Variants in STAMBP observed in about 807,000 individuals in gnomAD.
STAMBP encodes STAM binding protein.
In STAMBP, 31 loss-of-function variants were observed where a neutral mutation model predicts 50.7. That is an observed-to-expected ratio of 0.61 (90% CI 0.46 to 0.83). The LOEUF (loss-of-function observed/expected upper bound fraction) is 0.83, where lower values mean the gene tolerates loss of function less well. Among genes scored for constraint, STAMBP ranks in the 40% least tolerant of loss-of-function variants. The pLI is 0.00. For synonymous variants in STAMBP, 211 were observed against 192.4 expected (o/e 1.10, Z -0.80); for missense variants, 472 against 518.9 (o/e 0.91, Z 0.88).
rs142400712 is a variant in STAMBP, at chr2:73,852,059, T to C, written c.1005+1546T>C. On this transcript the variant is annotated intron_variant, in intron 7 of 9. Transcript: ENST00000394070. Reference sequence around the variant, plus strand: ...TAAAGGTTTTTGAGTAGAGCAATGATATGATTAAAGCCATACTTTAGAAAA... The same window carrying C: ...TAAAGGTTTTTGAGTAGAGCAATGACATGATTAAAGCCATACTTTAGAAAA... 1.8e-3 allele frequency among the ~76,000 whole-genome samples: 281 copies of C among 152,286 alleles called. 1 individual carries two copies. Among genetic ancestry groups the C allele is most frequent in the African/African-American group, 4.4e-3 (181 of 41,562 alleles).
At chr2:73,829,967 A>G (rs1170410426) in intron 1 of STAMBP, among the ~76,000 whole-genome samples, 2 of 152,330 alleles carry the variant, frequency 1.3e-5, no homozygotes, top group East Asian at 3.9e-4. Flanking sequence ...GAGCATACTG[A>G]TTAGGGTTTG....
At position 73,834,225 on chromosome 2, in the gene STAMBP, AAAAAAAAAAAAATATATATATATATAT is replaced by A. The variant is rs1407291857; in HGVS notation, c.203+3168_203+3194del. Among the ~76,000 whole-genome samples, 18 of 24,660 alleles carry A rather than the reference AAAAAAAAAAAAATATATATATATATAT, an allele frequency of 7.3e-4. 1 individual carries two copies. Among genetic ancestry groups the A allele is most frequent in the African/African-American group, 2.1e-3 (17 of 8,048 alleles). 16.2% of individuals were successfully genotyped at this position (24,660 alleles called of 152,430 possible). On this transcript the variant is annotated intron_variant, in intron 2 of 9. Coordinates refer to ENST00000394070, the MANE Select transcript of STAMBP (RefSeq NM_213622.4). ...ATCATGTCTTAAAAAAAAAAAAAAAAAAAAAAAAAAAATATATATATATATATATATATATATATATATATATATATA... is the reference window on the plus strand; with the variant it reads ...ATCATGTCTTAAAAAAAAAAAAAAAAATATATATATATATATATATATATA...
chr2:73,850,564 G>T lies in STAMBP; in HGVS notation c.1005+51G>T. 6.4e-7 allele frequency: 1 copy of T among 1,562,052 alleles called. No individual in the cohort carries two copies. Among genetic ancestry groups the T allele is most frequent in the Non-Finnish European group, 8.7e-7 (1 of 1,154,826 alleles). ...GTTAGTCTCTGCCTCTCCCATGGTG[G>T]TATAAATACATGAGTGTTTCTTTGA... On this transcript the variant is annotated intron_variant, in intron 7 of 9. Transcript: ENST00000394070. The surrounding 1 kb of genome is among the most constrained non-coding windows in gnomAD (Gnocchi z 4.3).
intron 2 of STAMBP, among the ~76,000 whole-genome samples, chr2:73,837,764 C>T (rs570915177): frequency 6.6e-6 from 1 of 151,962 alleles, no homozygotes; most frequent in South Asian, 2.1e-4. Flanking sequence ...TCACCAGATG[C>T]CAGAAGGATC....
intron 5 of STAMBP, 76 bp from the exon 6 acceptor site, chr2:73,849,287 A>G: frequency 2.5e-6 from 4 of 1,607,476 alleles, no homozygotes; most frequent in South Asian, 1.1e-5. Context: ...TTGCTCCTCC[A>G]GGGCTGCTGG....
At chr2:73,838,169 A>T (rs1170109097) in intron 2 of STAMBP, among the ~76,000 whole-genome samples, 3 of 152,100 alleles carry the variant, frequency 2.0e-5, no homozygotes, top group African/African-American at 4.8e-5. Context: ...AAAGTGGCAA[A>T]TTTTTTTCTA....
intron 7 of STAMBP, among the ~76,000 whole-genome samples, chr2:73,853,706 A>G (rs1302343233): frequency 6.6e-6 from 1 of 152,276 alleles, no homozygotes; most frequent in African/African-American, 2.4e-5. Flanking sequence ...TGGGCAACAG[A>G]GCGAGACTTG....
chr2:73,832,523 C>A (rs1439918511), intron 2 of STAMBP, among the ~76,000 whole-genome samples: 3 of 151,888 alleles, frequency 2.0e-5, no homozygotes, highest in Admixed American at 1.3e-4. Flanking sequence ...CAGTGCTTCT[C>A]CCCAGAGACA....
At chr2:73,834,877 G>T (rs950806420) in intron 2 of STAMBP, among the ~76,000 whole-genome samples, 37 of 152,164 alleles carry the variant, frequency 2.4e-4, no homozygotes, top group African/African-American at 8.7e-4. Context: ...ATGTTCTGGG[G>T]ATTGAAAGAT....
chr2:73,841,680 G>C (rs1675407923), intron 2 of STAMBP, among the ~76,000 whole-genome samples: 1 of 152,176 alleles, frequency 6.6e-6, no homozygotes. Flanking sequence ...TAAAAGGTTG[G>C]ACACCCCTGC....
At position 73,861,845 on chromosome 2, in the gene STAMBP, A is replaced by G. The variant is rs573137845; in HGVS notation, c.1219-358A>G. Among the ~76,000 whole-genome samples, 8 of 152,136 alleles carry G rather than the reference A, an allele frequency of 5.3e-5. No homozygotes were observed. In the East Asian group the frequency reaches 9.7e-4, roughly 18 times the overall value. The stretch of plus-strand genomic sequence containing the variant: ...CCCAGCCAAAAAGTGGTTTTTTAAA[A>G]TGACTTTTCAGGCCGGGCACGGTGG... On this transcript the variant is annotated intron_variant, in intron 9 of 9. Transcript: ENST00000394070.
Position 73,837,653 on chromosome 2 carries a change from T to C in STAMBP, c.203+6594T>C, listed in dbSNP as rs537787264. Among the ~76,000 whole-genome samples, 7 of 148,768 alleles carry C rather than the reference T, an allele frequency of 4.7e-5. No homozygotes were observed. The East Asian group carries it at 1.4e-3, about 29-fold the overall frequency. Reference sequence around the variant, plus strand: ...GAAGAATATATCACAATTTTTAAAATTTTTGAAAACTGTTTTTCCATAAAA... The same window carrying C: ...GAAGAATATATCACAATTTTTAAAACTTTTGAAAACTGTTTTTCCATAAAA... On this transcript the variant is annotated intron_variant, in intron 2 of 9. Coordinates refer to ENST00000394070, the MANE Select transcript of STAMBP (RefSeq NM_213622.4).
chr2:73,845,182 G>A lies in STAMBP; in HGVS notation c.295G>A (p.Ala99Thr), dbSNP rs1675902297. The change falls in exon 4 of 10, where the codon GCA (alanine) becomes ACA (threonine). Residue 99 changes from alanine (A) to threonine (T), a missense_variant. Ala to Thr is a moderately conservative substitution (Grantham distance 58). Transcript: ENST00000394070. ...TGTGTCTCAGAAATTAAAGGAGATT[G>A]CATTTCCCAAAGCAGAAGAGCTGAA... ...KDTVKKLKEI[A>T]FPKAEELKAE... is the part of the protein sequence containing the mutation. The A allele has an allele frequency of 1.9e-6, 3 of 1,613,744 alleles. No individual in the cohort carries two copies. Among genetic ancestry groups the A allele is most frequent in the African/African-American group, 1.3e-5 (1 of 74,914 alleles).
Position 73,859,278 on chromosome 2 carries a change from C to T in STAMBP, c.1030C>T (p.Leu344Phe). The T allele has an allele frequency of 6.2e-7, 1 of 1,613,830 alleles. No homozygotes were observed. The highest frequency in any genetic ancestry group is 8.5e-7 in the Non-Finnish European group (1 of 1,179,960). ...IHTHPTQTAF[L>F]SSVDLHTHCS... ...GACTCACCCCACACAGACCGCGTTT[C>T]TCTCCAGTGTCGACCTACACACTCA... The change falls in exon 8 of 10, where the codon CTC becomes TTC. Residue 344 changes from leucine to phenylalanine, a missense_variant. By Grantham distance (22) the Leu-to-Phe change is conservative (BLOSUM62 0). Transcript: ENST00000394070.
intron 7 of STAMBP, among the ~76,000 whole-genome samples, chr2:73,852,522 G>A (rs1227784507): frequency 1.3e-5 from 2 of 152,220 alleles, no homozygotes; most frequent in Admixed American, 1.3e-4. Context: ...AGCCCTGGAA[G>A]TAGGAGAAGA....
rs1192829599 is a variant in STAMBP, at chr2:73,864,727, A to G, written c.*2468A>G. On this transcript the variant is annotated 3_prime_UTR_variant, in exon 10 of 10. Coordinates refer to ENST00000394070, the MANE Select transcript of STAMBP (RefSeq NM_213622.4). The stretch of plus-strand genomic sequence containing the variant: ...TTCCACTCTTGCAAGCTGCACAAGT[A>G]CCATACTTAGTGTTCTGGGCTGAGA... The G allele has an allele frequency of 2.0e-5, 3 of 152,276 alleles. No homozygotes were observed. Among genetic ancestry groups the G allele is most frequent in the African/African-American group, 7.2e-5 (3 of 41,464 alleles). The allele number at this position is 152,276 out of a possible 1,614,324, so 9.4% of individuals were successfully genotyped here.
At chr2:73,853,551 G>C (rs1272771487) in intron 7 of STAMBP, among the ~76,000 whole-genome samples, 3 of 152,080 alleles carry the variant, frequency 2.0e-5, no homozygotes, top group Admixed American at 1.3e-4. Flanking sequence ...GTGAAACCCT[G>C]TCTCTACTAA....
intron 9 of STAMBP, chr2:73,860,498 T>C (rs1452594775): frequency 1.0e-6 from 1 of 955,896 alleles, no homozygotes; most frequent in East Asian, 1.0e-4. Context: ...GCTTATTAAA[T>C]GTTACTTTTT....
chr2:73,830,256 G>A (rs1401942692), intron 1 of STAMBP, among the ~76,000 whole-genome samples: 1 of 152,222 alleles, frequency 6.6e-6, no homozygotes, highest in Non-Finnish European at 1.5e-5. Flanking sequence ...GACTATAGTG[G>A]TTTAGTGAGC....
Sources: gnomAD v4.1 joint callset for allele counts (sites outside exome capture counted in the v4.1 genomes callset) on GRCh38, gnomAD v4.1.1 for gene constraint, Gnocchi (gnomAD v3.1) non-coding constraint, MANE v1.5 for transcripts, NCBI Gene and HGNC (gene_info 2026-07-23, HGNC 2026-07-21) for gene names.